Variants in UNC5A observed in about 807,000 individuals in gnomAD.
The protein encoded by UNC5A is unc-5 netrin receptor A.
UNC5A carries 20 observed loss-of-function variants against 87.4 expected under a neutral mutation model. The ratio of observed to expected loss-of-function variants is 0.23; its 90% CI spans 0.16 to 0.33. The LOEUF (loss-of-function observed/expected upper bound fraction) is 0.33. UNC5A is among the 10% of genes least tolerant of loss of function. UNC5A has a pLI of 1.00. For synonymous variants in UNC5A, 438 were observed against 482.3 expected, an observed-to-expected ratio of 0.91 and a Z score of 1.20; for missense variants, 844 against 1,133.4, an observed-to-expected ratio of 0.74 and a Z score of 3.67.
chr5:176,849,911 C>T (rs539503900), intron 1 of UNC5A, among the ~76,000 whole-genome samples: 2 of 152,320 alleles, frequency 1.3e-5, no homozygotes, highest in East Asian at 1.9e-4. Flanking sequence ...GTTGAGGAGA[C>T]ATTTCAACTC....
intron 3 of UNC5A, 98 bp downstream of exon 3, chr5:176,868,371 A>C: frequency 6.4e-7 from 1 of 1,565,268 alleles, no homozygotes; most frequent in Non-Finnish European, 8.7e-7. Flanking sequence ...TCCGGTCAGA[A>C]AACCTCACAG....
rs969636435 is a variant in UNC5A, at chr5:176,866,845, G to A, written c.293-1285G>A. ...GAACGGGGCAGGTGGTGCCCAGAAC[G>A]GAGGGAAGCGGCCCAGCTACCATGA... On this transcript the variant is annotated intron_variant, in intron 2 of 14. Transcript: ENST00000329542. The surrounding 1 kb of genome is among the most constrained non-coding windows in gnomAD (Gnocchi z 5.0). 5.3e-5 allele frequency among the ~76,000 whole-genome samples: 8 copies of A among 152,140 alleles called. No individual in the cohort carries two copies. The highest frequency in any genetic ancestry group is 2.1e-4 in the South Asian group (1 of 4,834).
rs73804256 is a variant in UNC5A at position 176,867,964 on chromosome 5, A to G, written c.293-166A>G. Among the ~76,000 whole-genome samples, 744 of 151,316 alleles carry G rather than the reference A, an allele frequency of 4.9e-3. 8 individuals carry two copies. Among genetic ancestry groups the G allele is most frequent in the African/African-American group, 0.016 (661 of 41,262 alleles). The stretch of plus-strand genomic sequence containing the variant: ...CCCCCTGGAGTTTCCTCCAGGCTGG[A>G]GGTTGCCTTAAAACTTAAAATATAA... On this transcript the variant is annotated intron_variant, in intron 2 of 14. Transcript: ENST00000329542.
At chr5:176,855,765 CAA>C in intron 1 of UNC5A, among the ~76,000 whole-genome samples, 1 of 152,308 alleles carries the variant, frequency 6.6e-6, no homozygotes, top group Admixed American at 6.5e-5. Context: ...CTACTGGGGG[CAA>C]ACCTCCATGG....
At chr5:176,811,712 A>C (rs12520273) in intron 1 of UNC5A, among the ~76,000 whole-genome samples, 6,849 of 151,680 alleles carry the variant, frequency 0.045, 198 homozygotes, top group Non-Finnish European at 0.065. Flanking sequence ...CCATGCACTT[A>C]GCTGAGTTGA....
rs184425225 is a variant in UNC5A, at chr5:176,820,173, G to A, written c.70+9353G>A. Among the ~76,000 whole-genome samples the A allele has an allele frequency of 8.7e-3, 1,320 of 152,304 alleles. 20 individuals carry two copies. The highest frequency in any genetic ancestry group is 0.03 in the African/African-American group (1,246 of 41,568). ...AGCATTTTGGGAGGCCGAGGCGGGT[G>A]GATCACGAGGTCAGGAAATCGAGAC... On this transcript the variant is annotated intron_variant, in intron 1 of 14. Transcript: ENST00000329542.
chr5:176,874,316 C>T lies in UNC5A; in HGVS notation c.1128C>T (p.Thr376=), dbSNP rs145366880. The change falls in exon 8 of 15, where the codon ACC becomes ACT. Residue 376 remains threonine (T), a synonymous_variant. Transcript: ENST00000329542. This position sits in a 1 kb window ranked among gnomAD's most constrained non-coding sequence, Gnocchi z 7.6. ...IQPDLSTTTT[T]YQGSLCPRQD... is the part of the protein sequence containing the mutation. ...CGGACCTCAGCACCACCACCACCAC[C>T]TACCAGGGCAGTCTCTGTCCCCGGC... The T allele has an allele frequency of 6.2e-6, 10 of 1,610,642 alleles. No homozygotes were observed. The highest frequency in any genetic ancestry group is 1.7e-5 in the Admixed American group (1 of 59,692).
intron 1 of UNC5A, among the ~76,000 whole-genome samples, chr5:176,827,691 G>A (rs1045894544): frequency 1.3e-5 from 2 of 152,128 alleles, no homozygotes; most frequent in African/African-American, 2.4e-5. Context: ...TGGGTCATAC[G>A]GTAACTATGT....
In UNC5A at chr5:176,868,805, G is replaced by C; in HGVS notation, c.562G>C (p.Asp188His). ...CTAGGTGGAGTGGCTCCGGAACGAG[G>C]ACCTGGTGGACCCGTCCCTGGACCC... ...PAEVEWLRNEDLVDPSLDPNV... is the reference protein window; with the variant it reads ...PAEVEWLRNEHLVDPSLDPNV... The change falls in exon 5 of 15, where the codon GAC becomes CAC. Residue 188 changes from aspartate (D) to histidine (H), a missense_variant. Coordinates refer to ENST00000329542, the MANE Select transcript of UNC5A (RefSeq NM_133369.3). The C allele has an allele frequency of 1.2e-6, 2 of 1,603,308 alleles. No individual in the cohort carries two copies. Among genetic ancestry groups the C allele is most frequent in the Non-Finnish European group, 1.7e-6 (2 of 1,172,296 alleles).
At chr5:176,862,875 A>G (rs370326145) in intron 2 of UNC5A, 30 bp downstream of exon 2, 1 of 1,609,184 alleles carries the variant, frequency 6.2e-7, no homozygotes, top group Non-Finnish European at 8.5e-7. Flanking sequence ...AGGCAGGGCC[A>G]ATCCGGGGGA....
At chr5:176,819,825 AG>A (rs1756685150) in intron 1 of UNC5A, among the ~76,000 whole-genome samples, 1 of 152,238 alleles carries the variant, frequency 6.6e-6, no homozygotes, top group Non-Finnish European at 1.5e-5. Context: ...TCCACCAAGA[AG>A]GGTGGGCACA....
chr5:176,812,103 C>T (rs1176844042), intron 1 of UNC5A, among the ~76,000 whole-genome samples: 1 of 152,126 alleles, frequency 6.6e-6, no homozygotes, highest in African/African-American at 2.4e-5. Context: ...CATCAGCACC[C>T]CTCTTCTTCC....
chr5:176,833,865 C>T (rs113468955), intron 1 of UNC5A, among the ~76,000 whole-genome samples: 2,326 of 152,222 alleles, frequency 0.015, 61 homozygotes, highest in African/African-American at 0.051. Flanking sequence ...CCCACCACTA[C>T]GCCCAGCTCA....
At chr5:176,832,168 A>G (rs1397030439) in intron 1 of UNC5A, among the ~76,000 whole-genome samples, 1 of 152,134 alleles carries the variant, frequency 6.6e-6, no homozygotes, top group Admixed American at 6.5e-5. Flanking sequence ...AAGTGCTGGG[A>G]TTGCAGGCGT....
At chr5:176,847,965 A>G (rs1757453780) in intron 1 of UNC5A, among the ~76,000 whole-genome samples, 1 of 152,054 alleles carries the variant, frequency 6.6e-6, no homozygotes. Context: ...GAGGCCCAGG[A>G]TGGAGGTCAG....
chr5:176,812,483 C>T (rs1375624958), intron 1 of UNC5A, among the ~76,000 whole-genome samples: 1 of 152,178 alleles, frequency 6.6e-6, no homozygotes, highest in Admixed American at 6.5e-5. Context: ...CCCTGATGAA[C>T]GTGTGTGATG....
chr5:176,874,518 T>C lies in UNC5A; in HGVS notation c.1330T>C (p.Tyr444His). ...GCCCCGAGGCACCAGCAACATGACC[T>C]ATGGGACCTTCAACTTCCTCGGGGG... ...SLPRGTSNMT[Y>H]GTFNFLGGRL... Residue 444 changes from tyrosine to histidine, a missense_variant, in exon 8 of 15, where the codon TAT (tyrosine) becomes CAT (histidine). Around this residue, in one of 3 missense-constraint regions of UNC5A, gnomAD observed 353 missense variants for 387.5 expected, o/e 0.91. Coordinates refer to ENST00000329542, the MANE Select transcript of UNC5A (RefSeq NM_133369.3). This position sits in a 1 kb window ranked among gnomAD's most constrained non-coding sequence, Gnocchi z 7.6. 1 of 1,596,504 alleles carries C rather than the reference T, an allele frequency of 6.3e-7. No individual in the cohort carries two copies.
At position 176,838,560 on chromosome 5, in the gene UNC5A, C is replaced by T. The variant is rs906661706; in HGVS notation, c.71-24064C>T. ...AAAATCCCAAAGGTACAGCTGACTT[C>T]AGGCAAAGCCTGATGCGCTGGCTCA... On this transcript the variant is annotated intron_variant, in intron 1 of 14. Transcript: ENST00000329542. The surrounding 1 kb of genome is among the most constrained non-coding windows in gnomAD (Gnocchi z 4.2). Among the ~76,000 whole-genome samples, 2 of 152,282 alleles carry T rather than the reference C, an allele frequency of 1.3e-5. No homozygotes were observed. The highest frequency in any genetic ancestry group is 2.4e-5 in the African/African-American group (1 of 41,482).
At chr5:176,862,928 G>A in intron 2 of UNC5A, 83 bp downstream of exon 2, 3 of 1,528,672 alleles carry the variant, frequency 2.0e-6, no homozygotes, top group Non-Finnish European at 2.7e-6. Context: ...GCTGCCCCCA[G>A]GATTCCCCAC....
Sources: allele counts gnomAD v4.1 joint callset (sites outside exome capture counted in the v4.1 genomes callset), GRCh38; gene constraint gnomAD v4.1.1; regional missense constraint gnomAD v4.1.1; non-coding constraint Gnocchi (gnomAD v3.1); transcripts MANE v1.5; gene names NCBI Gene and HGNC (gene_info 2026-07-23, HGNC 2026-07-21).